Variants in NTNG1 observed in about 807,000 individuals in gnomAD.
The protein encoded by NTNG1 is netrin-G1.
A neutral mutation model predicts 54.0 loss-of-function variants in NTNG1; 16 were observed. That is an observed-to-expected ratio of 0.30 (90% CI 0.20 to 0.45). NTNG1 has a LOEUF of 0.45. NTNG1 is among the 20% of genes least tolerant of loss of function. The pLI is 1.00. For synonymous variants in NTNG1, 255 were observed against 263.1 expected (o/e 0.97, Z 0.30); for missense variants, 530 against 678.7 (o/e 0.78, Z 2.43).
chr1:107,457,304 T>C (rs1677009267), intron 7 of NTNG1, among the ~76,000 whole-genome samples: 1 of 152,234 alleles, frequency 6.6e-6, no homozygotes, highest in Admixed American at 6.5e-5. Context: ...CCCAATCCAA[T>C]ACTTCAGCTT....
In NTNG1 at chr1:107,383,535, A is replaced by T. The variant is rs566909470; in HGVS notation, c.888-11619A>T. ...TTGGTTACCATAAACCACAGAATGG[A>T]TGAATATGTGTGAAAATAGCTTGAA... is the stretch of plus-strand genomic sequence containing the variant. On this transcript the variant is annotated intron_variant, in intron 3 of 7. Coordinates refer to ENST00000370068, the MANE Select transcript of NTNG1 (RefSeq NM_001113226.3). Among the ~76,000 whole-genome samples, 194 of 152,370 alleles carry T rather than the reference A, an allele frequency of 1.3e-3. 3 individuals are homozygous for T. The highest frequency in any genetic ancestry group is 6.4e-3 in the South Asian group (31 of 4,832).
chr1:107,299,164 A>G (rs1247730043), intron 2 of NTNG1, among the ~76,000 whole-genome samples: 1 of 152,210 alleles, frequency 6.6e-6, no homozygotes, highest in African/African-American at 2.4e-5. Flanking sequence ...GATATTGAAT[A>G]GAAAAGCACT....
intron 2 of NTNG1, among the ~76,000 whole-genome samples, chr1:107,225,537 A>G (rs1490285677): frequency 6.6e-6 from 1 of 152,126 alleles, no homozygotes; most frequent in East Asian, 1.9e-4. Flanking sequence ...TCACTTTACT[A>G]TCTGTGAGCT....
intron 2 of NTNG1, among the ~76,000 whole-genome samples, chr1:107,314,157 C>T (rs933962801): frequency 2.6e-5 from 4 of 152,140 alleles, no homozygotes; most frequent in African/African-American, 9.7e-5. Flanking sequence ...GTAATCCCAG[C>T]ACTTTGGGAG....
intron 7 of NTNG1, among the ~76,000 whole-genome samples, chr1:107,465,331 T>G (rs1677532789): frequency 6.6e-6 from 1 of 152,206 alleles, no homozygotes; most frequent in South Asian, 2.1e-4. Flanking sequence ...GGAATAGTGC[T>G]TATAGACGGA....
chr1:107,186,870 A>G (rs1414488662), intron 2 of NTNG1, among the ~76,000 whole-genome samples: 1 of 152,176 alleles, frequency 6.6e-6, no homozygotes, highest in Non-Finnish European at 1.5e-5. Flanking sequence ...TACCTGGATT[A>G]TCTCTTGCGA....
intron 7 of NTNG1, among the ~76,000 whole-genome samples, chr1:107,441,156 GA>G (rs1346228778): frequency 6.6e-6 from 1 of 152,152 alleles, no homozygotes; most frequent in African/African-American, 2.4e-5. Flanking sequence ...TATAAAATAT[GA>G]AGGGTTAACA....
intron 2 of NTNG1, among the ~76,000 whole-genome samples, chr1:107,274,176 G>C (rs1664326157): frequency 6.6e-6 from 1 of 152,204 alleles, no homozygotes; most frequent in South Asian, 2.1e-4. Flanking sequence ...GTCCCCAAGG[G>C]GGTAGCACTG....
At chr1:107,272,925 A>G (rs1304250788) in intron 2 of NTNG1, among the ~76,000 whole-genome samples, 2 of 152,230 alleles carry the variant, frequency 1.3e-5, no homozygotes, top group Non-Finnish European at 2.9e-5. Flanking sequence ...TGTCCATAAT[A>G]CAAACTAATC....
intron 3 of NTNG1, among the ~76,000 whole-genome samples, chr1:107,367,437 AT>A (rs1203384781): frequency 1.3e-5 from 2 of 152,160 alleles, no homozygotes; most frequent in African/African-American, 4.8e-5. Flanking sequence ...AATTATTATC[AT>A]TATGGCCTAA....
At chr1:107,386,000 A>G (rs1399311383) in intron 3 of NTNG1, among the ~76,000 whole-genome samples, 1 of 150,038 alleles carries the variant, frequency 6.7e-6, no homozygotes, top group African/African-American at 2.5e-5. Flanking sequence ...ATCTCCTGGC[A>G]TCCACTAATC....
At chr1:107,247,681 A>G (rs1225214110) in intron 2 of NTNG1, among the ~76,000 whole-genome samples, 2 of 152,220 alleles carry the variant, frequency 1.3e-5, no homozygotes, top group Non-Finnish European at 2.9e-5. Flanking sequence ...TGTAATGCCA[A>G]CCATTTGCCA....
intron 3 of NTNG1, among the ~76,000 whole-genome samples, chr1:107,343,567 T>C (rs1049287356): frequency 2.0e-5 from 3 of 151,890 alleles, no homozygotes; most frequent in Non-Finnish European, 2.9e-5. Context: ...TGATTTCAGA[T>C]TGTGCTTTTG....
At chr1:107,473,767 C>T (rs953132846) in intron 7 of NTNG1, among the ~76,000 whole-genome samples, 1 of 152,172 alleles carries the variant, frequency 6.6e-6, no homozygotes, top group African/African-American at 2.4e-5. Context: ...TGTTTATCTA[C>T]CTTGTGGCTT....
At chr1:107,310,470 C>T (rs1666941202) in intron 2 of NTNG1, among the ~76,000 whole-genome samples, 1 of 152,096 alleles carries the variant, frequency 6.6e-6, no homozygotes, top group Non-Finnish European at 1.5e-5. Context: ...TACTTTGGTT[C>T]ATGATGGTGG....
At chr1:107,253,989 T>TA (rs1662774614) in intron 2 of NTNG1, among the ~76,000 whole-genome samples, 1 of 152,220 alleles carries the variant, frequency 6.6e-6, no homozygotes, top group Non-Finnish European at 1.5e-5. Flanking sequence ...TTTGTTTGTG[T>TA]AGTATGTTCG....
At chr1:107,179,862 A>G (rs1245350745) in intron 2 of NTNG1, among the ~76,000 whole-genome samples, 2 of 152,100 alleles carry the variant, frequency 1.3e-5, no homozygotes, top group Non-Finnish European at 2.9e-5. Context: ...TTCCTTTTCA[A>G]GAGTTTCTGA....
At chr1:107,357,984 C>A (rs1364586282) in intron 3 of NTNG1, among the ~76,000 whole-genome samples, 1 of 152,074 alleles carries the variant, frequency 6.6e-6, no homozygotes, top group African/African-American at 2.4e-5. Flanking sequence ...TAAGTCAAAT[C>A]GTTTCTTTTA....
chr1:107,413,173 T>C (rs1246644536), intron 5 of NTNG1, among the ~76,000 whole-genome samples: 4 of 151,922 alleles, frequency 2.6e-5, no homozygotes, highest in Non-Finnish European at 4.4e-5. Context: ...TTTTCATTTT[T>C]TTTTTCTGAG....
Sources: gnomAD v4.1 joint callset for allele counts (sites outside exome capture counted in the v4.1 genomes callset) on GRCh38, gnomAD v4.1.1 for gene constraint, MANE v1.5 for transcripts, NCBI Gene and HGNC (gene_info 2026-07-23, HGNC 2026-07-21) for gene names.